Variants in ZER1 observed in about 807,000 individuals in gnomAD.
ZER1 encodes zyg-11 related cell cycle regulator.
In ZER1, 11 loss-of-function variants were observed where a neutral mutation model predicts 78.8. The ratio of observed to expected loss-of-function variants is 0.14; its 90% CI spans 0.09 to 0.23. The LOEUF is 0.23. Ranked by LOEUF, ZER1 falls within the 10% of genes least tolerant of loss-of-function variation. ZER1 has a pLI of 1.00. For missense variants in ZER1, 588 were observed against 996.9 expected, an observed-to-expected ratio of 0.59 and a Z score of 5.52; for synonymous variants, 400 against 407.0, an observed-to-expected ratio of 0.98 and a Z score of 0.21.
intron 14 of ZER1, among the ~76,000 whole-genome samples, chr9:128,733,798 TTA>T (rs1181474391): frequency 3.6e-4 from 51 of 142,162 alleles, no homozygotes; most frequent in Non-Finnish European, 4.4e-4. Flanking sequence ...TAAAAAAAAA[TTA>T]TATATATATA....
chr9:128,735,014 C>CT (rs1306676519), intron 14 of ZER1, among the ~76,000 whole-genome samples: 28 of 152,300 alleles, frequency 1.8e-4, no homozygotes, highest in Non-Finnish European at 1.3e-4. Context: ...TCTCGGCCTC[C>CT]TGAATAGCTG....
At chr9:128,745,435 C>T (rs371438240) in intron 8 of ZER1, among the ~76,000 whole-genome samples, 52 of 152,022 alleles carry the variant, frequency 3.4e-4, no homozygotes, top group African/African-American at 1.0e-3. Flanking sequence ...GATCCTGGCT[C>T]GCTGCAACCA....
intron 8 of ZER1, chr9:128,745,996 C>A (rs1031359020): frequency 1.3e-5 from 2 of 151,726 alleles, no homozygotes; most frequent in African/African-American, 4.8e-5. Context: ...CACACCACCA[C>A]GCCCGGCTAA....
At chr9:128,742,827 G>A in intron 8 of ZER1, 82 bp from the exon 9 acceptor site, 2 of 1,408,010 alleles carry the variant, frequency 1.4e-6, no homozygotes, top group Non-Finnish European at 1.9e-6. Flanking sequence ...AGAGGTATGA[G>A]CTCATCCAGA....
rs1429121978 is a variant in ZER1, at chr9:128,753,085, G to A, written c.746+79C>T. On this transcript the variant is annotated intron_variant, in intron 4 of 15. Transcript: ENST00000291900. The surrounding 1 kb of genome is among the most constrained non-coding windows in gnomAD (Gnocchi z 7.5). ...TAGCCAAGCGCTCCTGAACCCTGAGGGCGTGACAACACCCACCTCTACTCC... is the reference window on the plus strand; with the variant it reads ...TAGCCAAGCGCTCCTGAACCCTGAGAGCGTGACAACACCCACCTCTACTCC... 1.4e-6 allele frequency: 2 copies of A among 1,393,614 alleles called. No individual in the cohort carries two copies. The highest frequency in any genetic ancestry group is 9.5e-7 in the Non-Finnish European group (1 of 1,049,272). The allele number at this position is 1,393,614 out of a possible 1,614,324, so 86.3% of individuals were successfully genotyped here.
intron 13 of ZER1, among the ~76,000 whole-genome samples, chr9:128,737,413 C>T (rs1436770474): frequency 6.6e-6 from 1 of 152,196 alleles, no homozygotes; most frequent in Non-Finnish European, 1.5e-5. Flanking sequence ...AACTATAGTA[C>T]TTGGCACACT....
At chr9:128,737,069 G>T (rs1263959287) in intron 13 of ZER1, among the ~76,000 whole-genome samples, 1 of 152,068 alleles carries the variant, frequency 6.6e-6, no homozygotes, top group Non-Finnish European at 1.5e-5. Flanking sequence ...GCTTGAACCT[G>T]GGAGACGGGG....
chr9:128,752,794 G>A lies in ZER1; in HGVS notation c.802C>T (p.Arg268Trp), dbSNP rs150107254. ...TGCACAAAGAGGCTCAGCACCTCCC[G>A]AGTCAGCTTGAACTTGTAGTAGCTG... ...LSSYYKFKLT[R>W]EVLSLFVQKL... The change falls in exon 5 of 16, where the codon CGG becomes TGG. Residue 268 changes from arginine (R) to tryptophan (W), a missense_variant. This residue lies in a region of ZER1 where 406 missense variants were observed against 660.1 expected (regional missense o/e 0.62). Transcript: ENST00000291900. 3.1e-6 allele frequency: 5 copies of A among 1,614,182 alleles called. No homozygotes were observed. The highest frequency in any genetic ancestry group is 1.7e-5 in the Admixed American group (1 of 60,010).
At chr9:128,761,182 G>A (rs547532318) in intron 1 of ZER1, among the ~76,000 whole-genome samples, 1 of 151,302 alleles carries the variant, frequency 6.6e-6, no homozygotes, top group East Asian at 1.9e-4. Context: ...AGGGAGGGGG[G>A]GATAATAATC....
In ZER1 at chr9:128,753,359, C is replaced by A; in HGVS notation, c.551G>T (p.Arg184Leu). Reference protein sequence around the residue: ...FSRLRFLNLGRMIDWVPVESL... With the variant: ...FSRLRFLNLGLMIDWVPVESL... ...CTCCACAGGGACCCAATCAATCATG[C>A]GGCCCAAGTTGAGGAAGCGGAGGCG... Residue 184 changes from arginine to leucine, a missense_variant, in exon 4 of 16, where the codon CGC (arginine) becomes CTC (leucine). Around this residue, in one of 3 missense-constraint regions of ZER1, gnomAD observed 406 missense variants for 660.1 expected, o/e 0.62. Transcript: ENST00000291900. This position sits in a 1 kb window ranked among gnomAD's most constrained non-coding sequence, Gnocchi z 7.5. 1.2e-6 allele frequency: 2 copies of A among 1,613,388 alleles called. No homozygotes were observed. The highest frequency in any genetic ancestry group is 1.7e-6 in the Non-Finnish European group (2 of 1,179,700).
intron 13 of ZER1, among the ~76,000 whole-genome samples, chr9:128,737,860 G>A (rs1355909804): frequency 6.6e-6 from 1 of 151,436 alleles, no homozygotes. Flanking sequence ...CCACCACCAT[G>A]CCTGGCTAAT....
chr9:128,741,926 C>G (rs956672943), intron 9 of ZER1, 85 bp from the exon 10 acceptor site: 2 of 1,560,378 alleles, frequency 1.3e-6, no homozygotes, highest in African/African-American at 2.7e-5. Context: ...GGAGGCTCAG[C>G]AACGCCATGG....
rs769804611 is a variant in ZER1 at position 128,740,117 on chromosome 9, T to C, written c.1856A>G (p.Asn619Ser). 1.3e-6 allele frequency: 2 copies of C among 1,592,608 alleles called. No homozygotes were observed. The highest frequency in any genetic ancestry group is 1.7e-5 in the Admixed American group (1 of 59,006). ...MTSQFISVFSNLLESKADGIE... is the reference protein window; with the variant it reads ...MTSQFISVFSSLLESKADGIE... ...CCCATCGGCCTTGCTCTCCAACAGG[T>C]TGCTGCCAGGAGAAAGACAGAAAAA... Residue 619 changes from asparagine to serine, a missense_variant and splice_region_variant, in exon 13 of 16, where the codon AAC (asparagine) becomes AGC (serine). By Grantham distance (46) the Asn-to-Ser change is conservative (BLOSUM62 1). Around this residue, in one of 3 missense-constraint regions of ZER1, gnomAD observed 60 missense variants for 163.3 expected, o/e 0.37. Transcript: ENST00000291900. The surrounding 1 kb of genome is among the most constrained non-coding windows in gnomAD (Gnocchi z 4.4).
chr9:128,739,846 T>C, intron 13 of ZER1, 85 bp downstream of exon 13: 2 of 1,493,020 alleles, frequency 1.3e-6, no homozygotes, highest in Admixed American at 4.1e-5. Context: ...GTGGGAGCTC[T>C]GAGCAGACCT....
chr9:128,746,704 C>A (rs148448358), intron 8 of ZER1, among the ~76,000 whole-genome samples: 6,845 of 151,722 alleles, frequency 0.045, 521 homozygotes, highest in African/African-American at 0.16. Context: ...GGTACCATCT[C>A]GGCTCACTGC....
rs775623731 is a variant in ZER1 at position 128,753,761 on chromosome 9, C to G, written c.309+48G>C. 2 of 1,585,154 alleles carry G rather than the reference C, an allele frequency of 1.3e-6. No homozygotes were observed. The highest frequency in any genetic ancestry group is 4.5e-5 in the East Asian group (2 of 44,232). On this transcript the variant is annotated intron_variant, in intron 3 of 15. Coordinates refer to ENST00000291900, the MANE Select transcript of ZER1 (RefSeq NM_006336.4). The surrounding 1 kb of genome is among the most constrained non-coding windows in gnomAD (Gnocchi z 7.5). Reference sequence around the variant, plus strand: ...CTGGGCTGGAGGCGAGCAGCCTGGCCCCTGCTTGGTGTGGGCCCTCCTGGC... The same window carrying G: ...CTGGGCTGGAGGCGAGCAGCCTGGCGCCTGCTTGGTGTGGGCCCTCCTGGC...
At chr9:128,760,530 T>C (rs996410948) in intron 1 of ZER1, among the ~76,000 whole-genome samples, 1 of 152,162 alleles carries the variant, frequency 6.6e-6, no homozygotes, top group African/African-American at 2.4e-5. Flanking sequence ...GTGCAGGCTC[T>C]GTGGTCAGAC....
intron 13 of ZER1, among the ~76,000 whole-genome samples, chr9:128,738,455 G>T (rs1156876217): frequency 6.7e-6 from 1 of 149,148 alleles, no homozygotes. Context: ...GCGCGATCTC[G>T]GCTAACTGCA....
At chr9:128,771,013 A>AAAAAC (rs759435317) in intron 1 of ZER1, among the ~76,000 whole-genome samples, 17 of 152,168 alleles carry the variant, frequency 1.1e-4, no homozygotes, top group South Asian at 2.1e-4. Flanking sequence ...CTATTTAAAG[A>AAAAAC]AAAACAAAAC....
Sources: gnomAD v4.1 joint callset for allele counts (sites outside exome capture counted in the v4.1 genomes callset) on GRCh38, gnomAD v4.1.1 for gene constraint, gnomAD v4.1.1 regional missense constraint, Gnocchi (gnomAD v3.1) non-coding constraint, MANE v1.5 for transcripts, NCBI Gene and HGNC (gene_info 2026-07-23, HGNC 2026-07-21) for gene names.